The following IGSF10 variants were observed in gnomAD, a reference collection of about 807,000 sequenced individuals.
IGSF10 encodes the protein immunoglobulin superfamily member 10, also known as calvaria mechanical force protein 608.
A neutral mutation model predicts 128.2 loss-of-function variants in IGSF10; 126 were observed. That is an observed-to-expected ratio of 0.98 (90% confidence interval 0.85 to 1.14). IGSF10 has a LOEUF of 1.14. Among genes scored for constraint, IGSF10 ranks in the 50% most tolerant of loss-of-function variants. IGSF10 has a pLI of 0.00. For missense variants in IGSF10, 3,295 were observed against 3,149.8 expected, an observed-to-expected ratio of 1.05 and a Z score of -1.10; for synonymous variants, 1,185 against 1,146.2, an observed-to-expected ratio of 1.03 and a Z score of -0.68.
rs1560170904 is a variant in IGSF10, at chr3:151,438,155, C to CTGTT, written c.6402_6405dup (p.Val2136AsnfsTer13). The CTGTT allele has an allele frequency of 6.2e-7, 1 of 1,614,174 alleles. No homozygotes were observed. Among genetic ancestry groups the CTGTT allele is most frequent in the Non-Finnish European group, 8.5e-7 (1 of 1,180,028 alleles). On this transcript the variant is annotated frameshift_variant, in exon 8 of 8. Transcript: ENST00000282466. LOFTEE classifies it low-confidence loss of function (END_TRUNC). ...CTTATCCGGGGAGCAGCTGTTATAA[C>CTGTT]TGTTAAGTGGACCTTCATTTCATCT... is the stretch of plus-strand genomic sequence containing the variant.
At chr3:151,592,852 T>C in the IGSF10 span, among the ~76,000 whole-genome samples, 1 of 152,156 alleles carries the variant, frequency 6.6e-6, no homozygotes, top group Non-Finnish European at 1.5e-5. Context: ...AAAGAACAAT[T>C]ATCATGAAAT....
At chr3:151,525,002 CTTTTTTTTTTTTTTTTTTT>C in the IGSF10 span, among the ~76,000 whole-genome samples, 36 of 49,738 alleles carry the variant, frequency 7.2e-4, no homozygotes, top group South Asian at 0.025. Flanking sequence ...TGCATTACAC[CTTTTTTTTTTTTTTTTTTT>C]TTTTTTTTTT....
At chr3:151,571,590 A>G in the IGSF10 span, among the ~76,000 whole-genome samples, 12 of 152,292 alleles carry the variant, frequency 7.9e-5, no homozygotes, top group South Asian at 2.5e-3. Context: ...GACTTTGCTG[A>G]AGTTGCTTAT....
At position 151,449,031 on chromosome 3, in the gene IGSF10, G is replaced by C; in HGVS notation, c.950C>G (p.Thr317Ser). The C allele has an allele frequency of 1.9e-6, 3 of 1,614,226 alleles. No homozygotes were observed. The highest frequency in any genetic ancestry group is 2.5e-6 in the Non-Finnish European group (3 of 1,180,048). The change falls in exon 6 of 8, where the codon ACT becomes AGT. Residue 317 changes from threonine (T) to serine (S), a missense_variant. Coordinates refer to ENST00000282466, the MANE Select transcript of IGSF10 (RefSeq NM_178822.5). ...TCCAGACTGATCTGTCATATTCAAA[G>C]TGAGGGAGCCAAAGGGTGCCATGAA... is the stretch of plus-strand genomic sequence containing the variant. The part of the protein sequence containing the change: ...QGFMAPFGSL[T>S]LNMTDQSGNE...
chr3:151,546,853 C>T, the IGSF10 span, among the ~76,000 whole-genome samples: 7 of 152,062 alleles, frequency 4.6e-5, no homozygotes, highest in African/African-American at 1.4e-4. Context: ...TCATTGCAAC[C>T]TCCGCCTCCC....
chr3:151,456,193 C>T (rs527840103), intron 4 of IGSF10, among the ~76,000 whole-genome samples: 3 of 152,338 alleles, frequency 2.0e-5, no homozygotes, highest in African/African-American at 7.2e-5. Flanking sequence ...AATCACATAG[C>T]TACATTATAC....
At chr3:151,525,978 G>A in the IGSF10 span, among the ~76,000 whole-genome samples, 3 of 152,090 alleles carry the variant, frequency 2.0e-5, no homozygotes, top group African/African-American at 4.8e-5. Context: ...CATGTACACC[G>A]GGGAGCGGGA....
At chr3:151,569,392 C>T in the IGSF10 span, among the ~76,000 whole-genome samples, 1 of 152,118 alleles carries the variant, frequency 6.6e-6, no homozygotes, top group Non-Finnish European at 1.5e-5. Context: ...TTGAATATCA[C>T]TTGTGTGCCT....
At chr3:151,575,868 A>G in the IGSF10 span, among the ~76,000 whole-genome samples, 1 of 152,084 alleles carries the variant, frequency 6.6e-6, no homozygotes, top group East Asian at 1.9e-4. Flanking sequence ...ACAGACCCCT[A>G]TTTTTTCATC....
chr3:151,435,833 A>AATT (rs1191954212), downstream of IGSF10: 1 of 152,094 alleles, frequency 6.6e-6, no homozygotes, highest in Admixed American at 6.6e-5. Flanking sequence ...CATTATATAT[A>AATT]ATAGACCTAG....
At chr3:151,599,162 G>C in the IGSF10 span, among the ~76,000 whole-genome samples, 18 of 152,250 alleles carry the variant, frequency 1.2e-4, no homozygotes, top group African/African-American at 3.6e-4. Context: ...AAGGGCTCCA[G>C]GAAAGGGCAG....
the IGSF10 span, among the ~76,000 whole-genome samples, chr3:151,593,701 T>A: frequency 6.6e-6 from 1 of 152,030 alleles, no homozygotes; most frequent in African/African-American, 2.4e-5. Flanking sequence ...AAGTAGATAA[T>A]ACAGTACTGA....
the IGSF10 span, among the ~76,000 whole-genome samples, chr3:151,539,765 CATCTATCTATCTATCTATCTATCT>C: frequency 8.2e-5 from 12 of 146,596 alleles, no homozygotes; most frequent in Middle Eastern, 3.4e-3. Context: ...ATTTCAACAG[CATCTATCTATCTATCTATCTATCT>C]ATCTATCTAT....
Position 151,436,605 on chromosome 3 carries a change from A to C in IGSF10, c.*84T>G. On this transcript the variant is annotated 3_prime_UTR_variant, in exon 8 of 8. Transcript: ENST00000282466. Reference sequence around the variant, plus strand: ...TAATACTGTAAATGTATTCAAATTCATTTACATGCCTATGGCTGCCTTTGA... The same window carrying C: ...TAATACTGTAAATGTATTCAAATTCCTTTACATGCCTATGGCTGCCTTTGA... 1.1e-6 allele frequency: 1 copy of C among 925,338 alleles called. No individual in the cohort carries two copies. 57.3% of individuals were successfully genotyped at this position (925,338 alleles called of 1,614,324 possible).
upstream of IGSF10, among the ~76,000 whole-genome samples, chr3:151,462,641 C>A (rs116594935): frequency 0.036 from 5,482 of 152,286 alleles, 122 homozygotes; most frequent in South Asian, 0.12. Flanking sequence ...ATGGTCTGAA[C>A]GTTTAACCAT....
At chr3:151,545,930 T>C in the IGSF10 span, among the ~76,000 whole-genome samples, 2 of 152,040 alleles carry the variant, frequency 1.3e-5, no homozygotes, top group Admixed American at 6.6e-5. Context: ...TACTGCTCCC[T>C]ATCCAAATGT....
the IGSF10 span, among the ~76,000 whole-genome samples, chr3:151,542,113 C>CT: frequency 6.6e-6 from 1 of 152,170 alleles, no homozygotes; most frequent in Admixed American, 6.6e-5. Context: ...GCCCAAATGA[C>CT]TTTCAGGTAC....
the IGSF10 span, among the ~76,000 whole-genome samples, chr3:151,513,314 C>CAAA: frequency 4.9e-5 from 7 of 142,098 alleles, no homozygotes; most frequent in East Asian, 4.1e-4. Flanking sequence ...GTTCAACATA[C>CAAA]AAAAAAAAAA....
At chr3:151,432,954 AGGTGTTT>A, downstream of IGSF10, 2 of 521,892 alleles carry the variant, frequency 3.8e-6, no homozygotes, top group Non-Finnish European at 6.6e-6. Context: ...AAAAAAAAAA[AGGTGTTT>A]AAACAAAAAG....
Sources: allele counts gnomAD v4.1 joint callset (sites outside exome capture counted in the v4.1 genomes callset), GRCh38; gene constraint gnomAD v4.1.1; transcripts MANE v1.5; gene names NCBI Gene and HGNC (gene_info 2026-07-23, HGNC 2026-07-21).